SLC8A3: variants seen among roughly 807,000 people sequenced by gnomAD.
SLC8A3 encodes sodium/calcium exchanger 3.
Under a neutral mutation model 65.4 loss-of-function variants are expected in SLC8A3, and 37 were observed. The ratio of observed to expected loss-of-function variants is 0.57; its 90% CI spans 0.44 to 0.74. SLC8A3 has a LOEUF of 0.74. SLC8A3 is among the 30% of genes least tolerant of loss of function. The pLI is 0.00. For missense variants in SLC8A3, 1,112 were observed against 1,172.1 expected (o/e 0.95, Z 0.75); for synonymous variants, 461 against 444.5 (o/e 1.04, Z -0.47).
chr14:70,079,853 C>A (rs893629141), intron 2 of SLC8A3: 1 of 152,970 alleles, frequency 6.5e-6, no homozygotes, highest in African/African-American at 2.4e-5. Context: ...CTCACTTGCA[C>A]CTGTCCCTGT....
intron 2 of SLC8A3, among the ~76,000 whole-genome samples, chr14:70,094,675 G>A (rs929146250): frequency 1.3e-5 from 2 of 152,222 alleles, no homozygotes; most frequent in African/African-American, 2.4e-5. Flanking sequence ...AGCCTGCTCA[G>A]GATGAAGACA....
chr14:70,091,258 T>C (rs1054495585), intron 2 of SLC8A3, among the ~76,000 whole-genome samples: 1 of 152,206 alleles, frequency 6.6e-6, no homozygotes, highest in Non-Finnish European at 1.5e-5. Context: ...AGAGCTCTGA[T>C]TTTATAATGG....
At chr14:70,178,634 A>T (rs991564539) in intron 1 of SLC8A3, among the ~76,000 whole-genome samples, 1 of 152,222 alleles carries the variant, frequency 6.6e-6, no homozygotes, top group Non-Finnish European at 1.5e-5. Context: ...AGAAAGCATG[A>T]TGCTGTTCAT....
At chr14:70,095,324 C>A (rs1243159935) in intron 2 of SLC8A3, among the ~76,000 whole-genome samples, 2 of 152,164 alleles carry the variant, frequency 1.3e-5, no homozygotes, top group Non-Finnish European at 2.9e-5. Context: ...GGCTCTGGGA[C>A]AAAGTAGAGA....
At chr14:70,174,883 C>T (rs530826085) in intron 1 of SLC8A3, among the ~76,000 whole-genome samples, 22 of 152,224 alleles carry the variant, frequency 1.4e-4, no homozygotes, top group East Asian at 5.8e-4. Flanking sequence ...GGTGGCTCTA[C>T]GGATGCCTCA....
intron 2 of SLC8A3, among the ~76,000 whole-genome samples, chr14:70,108,394 C>T (rs376661851): frequency 2.9e-5 from 4 of 138,184 alleles, no homozygotes; most frequent in African/African-American, 1.1e-4. Flanking sequence ...AGCAAGACTC[C>T]GTCTCAAAAA....
At chr14:70,177,111 G>A (rs923188179) in intron 1 of SLC8A3, among the ~76,000 whole-genome samples, 3 of 152,254 alleles carry the variant, frequency 2.0e-5, no homozygotes, top group Non-Finnish European at 2.9e-5. Flanking sequence ...TAAGTTCCAA[G>A]AGGGTAGAAA....
intron 2 of SLC8A3, among the ~76,000 whole-genome samples, chr14:70,082,102 TG>T (rs1006176943): frequency 3.2e-4 from 48 of 152,228 alleles, no homozygotes; most frequent in Admixed American, 3.1e-3. Context: ...CAGGTAACTT[TG>T]TCCAAGGTCA....
intron 3 of SLC8A3, among the ~76,000 whole-genome samples, chr14:70,052,431 A>G (rs1019609554): frequency 2.0e-5 from 3 of 152,216 alleles, no homozygotes; most frequent in Non-Finnish European, 4.4e-5. Context: ...GGAACTGGGA[A>G]GAAAGGGCAA....
At chr14:70,080,801 G>C (rs1407221039) in intron 2 of SLC8A3, among the ~76,000 whole-genome samples, 1 of 152,184 alleles carries the variant, frequency 6.6e-6, no homozygotes, top group Admixed American at 6.5e-5. Context: ...GCTCCAAGCT[G>C]ATGTAAAAAA....
intron 2 of SLC8A3, among the ~76,000 whole-genome samples, chr14:70,116,250 A>C (rs570125492): frequency 3.3e-5 from 5 of 152,116 alleles, no homozygotes; most frequent in African/African-American, 1.2e-4. Flanking sequence ...TAATTGTCTG[A>C]GAGGCCAGGG....
In SLC8A3 at chr14:70,061,967, G is replaced by A. The variant is rs114630712; in HGVS notation, c.1785-1028C>T. Among the ~76,000 whole-genome samples, 1,260 of 152,256 alleles carry A rather than the reference G, an allele frequency of 8.3e-3. 15 individuals carry two copies. Among genetic ancestry groups the A allele is most frequent in the African/African-American group, 0.029 (1,189 of 41,540 alleles). On this transcript the variant is annotated intron_variant, in intron 2 of 6. Transcript: ENST00000356921. ...ACTGCCCTCCAAAGACTGGCTCTTTGTCATGTGGAGAGGTTGCCGTGTGGG... is the reference window on the plus strand; with the variant it reads ...ACTGCCCTCCAAAGACTGGCTCTTTATCATGTGGAGAGGTTGCCGTGTGGG...
At chr14:70,116,116 G>C (rs1893641683) in intron 2 of SLC8A3, among the ~76,000 whole-genome samples, 1 of 152,168 alleles carries the variant, frequency 6.6e-6, no homozygotes, top group Non-Finnish European at 1.5e-5. Context: ...AGGTAGTGCT[G>C]AAAGCTCAGA....
intron 3 of SLC8A3, among the ~76,000 whole-genome samples, chr14:70,054,655 T>A (rs969517865): frequency 2.0e-5 from 3 of 152,092 alleles, no homozygotes; most frequent in African/African-American, 7.2e-5. Context: ...GGGTTGAGGA[T>A]AGCCCTTATT....
intron 2 of SLC8A3, among the ~76,000 whole-genome samples, chr14:70,108,344 G>T (rs1893020269): frequency 6.7e-6 from 1 of 148,840 alleles, no homozygotes; most frequent in South Asian, 2.1e-4. Flanking sequence ...AGGTTGCAGT[G>T]AGCTGAGATT....
intron 1 of SLC8A3, among the ~76,000 whole-genome samples, chr14:70,178,930 T>C (rs1332527012): frequency 6.6e-6 from 1 of 152,202 alleles, no homozygotes; most frequent in Non-Finnish European, 1.5e-5. Context: ...ATTCTTTGTA[T>C]CCTCTCTCTT....
intron 2 of SLC8A3, among the ~76,000 whole-genome samples, chr14:70,151,909 C>T (rs1566814358): frequency 6.6e-6 from 1 of 152,042 alleles, no homozygotes; most frequent in Non-Finnish European, 1.5e-5. Flanking sequence ...ATCTAGGGCC[C>T]ATTCTAATCT....
At chr14:70,092,994 C>T (rs1393980671) in intron 2 of SLC8A3, among the ~76,000 whole-genome samples, 1 of 152,172 alleles carries the variant, frequency 6.6e-6, no homozygotes, top group Non-Finnish European at 1.5e-5. Context: ...GCTTCAGAAA[C>T]ATTGGCATTG....
At chr14:70,172,446 C>T (rs759543220) in intron 1 of SLC8A3, among the ~76,000 whole-genome samples, 7 of 152,144 alleles carry the variant, frequency 4.6e-5, no homozygotes, top group Non-Finnish European at 7.4e-5. Flanking sequence ...AGAATGTCCA[C>T]GGCCTCCAAT....
Sources: allele counts gnomAD v4.1 joint callset (sites outside exome capture counted in the v4.1 genomes callset), GRCh38; gene constraint gnomAD v4.1.1; transcripts MANE v1.5; gene names NCBI Gene and HGNC (gene_info 2026-07-23, HGNC 2026-07-21).